The following GLG1 variants were observed in gnomAD, a reference collection of about 807,000 sequenced individuals.
GLG1 encodes the protein golgi glycoprotein 1.
In GLG1, 38 loss-of-function variants were observed where a neutral mutation model predicts 160.5. The observed-to-expected ratio is 0.24, with a 90% CI of 0.18 to 0.31. The LOEUF (loss-of-function observed/expected upper bound fraction) is 0.31. Among genes scored for constraint, GLG1 ranks in the 10% least tolerant of loss-of-function variants. The probability of loss-of-function intolerance (pLI) is 1.00; values close to 1 mark genes in which losing one functional copy is unlikely to be tolerated. For synonymous variants in GLG1, 644 were observed against 543.4 expected, an observed-to-expected ratio of 1.19 and a Z score of -2.57; for missense variants, 1,373 against 1,505.2, an observed-to-expected ratio of 0.91 and a Z score of 1.45.
chr16:74,477,215 G>A (rs2015414708), intron 12 of GLG1, among the ~76,000 whole-genome samples, 181 bp downstream of exon 12: 1 of 152,108 alleles, frequency 6.6e-6, no homozygotes, highest in South Asian at 2.1e-4. Context: ...AACTATTCCT[G>A]ATACAAAGAC....
At chr16:74,558,911 G>A (rs1006109744) in intron 1 of GLG1, among the ~76,000 whole-genome samples, 9 of 152,016 alleles carry the variant, frequency 5.9e-5, no homozygotes, top group South Asian at 2.1e-4. Flanking sequence ...TCTTAGAGAC[G>A]GGGTCTCACT....
At chr16:74,529,620 G>C (rs1219689368) in intron 2 of GLG1, among the ~76,000 whole-genome samples, 1 of 151,622 alleles carries the variant, frequency 6.6e-6, no homozygotes, top group East Asian at 1.9e-4. Context: ...CTCATATCCA[G>C]CCATTTCTGA....
chr16:74,584,378 C>T (rs1357770887), intron 1 of GLG1, among the ~76,000 whole-genome samples: 1 of 152,072 alleles, frequency 6.6e-6, no homozygotes, highest in Non-Finnish European at 1.5e-5. Context: ...ATCATAAATG[C>T]CTAACATTAA....
chr16:74,569,517 A>C (rs1023514456), intron 1 of GLG1, among the ~76,000 whole-genome samples: 1 of 152,144 alleles, frequency 6.6e-6, no homozygotes, highest in Non-Finnish European at 1.5e-5. Context: ...CATCTCTAAC[A>C]GAGTCTAGCT....
intron 20 of GLG1, 144 bp downstream of exon 20, chr16:74,463,212 G>C: frequency 1.4e-6 from 1 of 735,146 alleles, no homozygotes; most frequent in Non-Finnish European, 2.2e-6. Flanking sequence ...GCTCCTCAAA[G>C]GAGGAAGGCC....
intron 22 of GLG1, among the ~76,000 whole-genome samples, chr16:74,460,012 T>A (rs990216262): frequency 3.4e-5 from 5 of 146,250 alleles, no homozygotes; most frequent in Admixed American, 6.8e-5. Flanking sequence ...CGTGCTACCA[T>A]GCCTGGCTGA....
At chr16:74,600,036 C>T (rs1258117723) in intron 1 of GLG1, among the ~76,000 whole-genome samples, 1 of 150,608 alleles carries the variant, frequency 6.6e-6, no homozygotes, top group Non-Finnish European at 1.5e-5. Context: ...TCCGTCTTAA[C>T]CAAAAGCAAA....
Position 74,496,432 on chromosome 16 carries a change from C to T in GLG1, c.978+9G>A. 6.3e-7 allele frequency: 1 copy of T among 1,577,184 alleles called. No homozygotes were observed. Among genetic ancestry groups the T allele is most frequent in the South Asian group, 1.1e-5 (1 of 90,318 alleles). ...AAGGAAGAAAAGAACAGTTTCTGAG[C>T]TGACTCACATTTTCACAAAAACGCT... On this transcript the variant is annotated intron_variant, in intron 5 of 25. Transcript: ENST00000422840.
intron 2 of GLG1, among the ~76,000 whole-genome samples, chr16:74,510,708 T>G (rs1567492966): frequency 1.3e-5 from 2 of 152,338 alleles, no homozygotes; most frequent in Admixed American, 1.3e-4. Flanking sequence ...AAATGTTTAC[T>G]GAGTACATAC....
At chr16:74,494,425 G>C (rs1241271452) in intron 6 of GLG1, among the ~76,000 whole-genome samples, 4 of 39,074 alleles carry the variant, frequency 1.0e-4, no homozygotes, top group Admixed American at 2.3e-4. Flanking sequence ...TTTTTTTTTT[G>C]AGACAGAGTC....
At chr16:74,589,768 T>C (rs1958132803) in intron 1 of GLG1, among the ~76,000 whole-genome samples, 1 of 152,042 alleles carries the variant, frequency 6.6e-6, no homozygotes, top group East Asian at 1.9e-4. Flanking sequence ...AAAAGGAAAG[T>C]ATACCAATAG....
intron 1 of GLG1, among the ~76,000 whole-genome samples, chr16:74,579,637 G>C (rs1957894178): frequency 1.3e-5 from 2 of 151,664 alleles, no homozygotes; most frequent in African/African-American, 4.8e-5. Flanking sequence ...CAGGAGAATG[G>C]CTTGAACCAG....
intron 4 of GLG1, among the ~76,000 whole-genome samples, chr16:74,500,176 G>A (rs993273827): frequency 2.0e-5 from 3 of 152,078 alleles, no homozygotes; most frequent in African/African-American, 4.8e-5. Context: ...ATTTGACAGC[G>A]AAGACTGCAT....
At chr16:74,523,092 TG>T (rs2017221166) in intron 2 of GLG1, among the ~76,000 whole-genome samples, 1 of 152,268 alleles carries the variant, frequency 6.6e-6, no homozygotes, top group South Asian at 2.1e-4. Flanking sequence ...TTTTAATTTC[TG>T]GGTACATAGT....
At chr16:74,506,701 G>C (rs1472881830) in intron 3 of GLG1, among the ~76,000 whole-genome samples, 1 of 150,782 alleles carries the variant, frequency 6.6e-6, no homozygotes, top group African/African-American at 2.4e-5. Context: ...CTGAAACAGA[G>C]ATGTGGCACC....
At chr16:74,520,664 T>C (rs989187915) in intron 2 of GLG1, among the ~76,000 whole-genome samples, 1 of 152,074 alleles carries the variant, frequency 6.6e-6, no homozygotes, top group Admixed American at 6.6e-5. Flanking sequence ...ACAACAAATA[T>C]GCATGAGTCA....
At chr16:74,601,591 T>C (rs1958441189) in intron 1 of GLG1, among the ~76,000 whole-genome samples, 1 of 152,186 alleles carries the variant, frequency 6.6e-6, no homozygotes, top group Non-Finnish European at 1.5e-5. Flanking sequence ...TACAACTAAA[T>C]GCTTCCAGTG....
intron 12 of GLG1, among the ~76,000 whole-genome samples, chr16:74,477,041 G>C (rs2015409553): frequency 1.3e-5 from 2 of 152,306 alleles, no homozygotes; most frequent in Admixed American, 6.5e-5. Flanking sequence ...ATGTGAAATG[G>C]AGCCAGTAGT....
chr16:74,467,675 T>C (rs2015048126), intron 18 of GLG1, 81 bp downstream of exon 18: 2 of 935,972 alleles, frequency 2.1e-6, no homozygotes, highest in African/African-American at 1.6e-5. Context: ...AATGTTACCT[T>C]ATGGGCACTA....
Sources: allele counts gnomAD v4.1 joint callset (sites outside exome capture counted in the v4.1 genomes callset), GRCh38; gene constraint gnomAD v4.1.1; transcripts MANE v1.5; gene names NCBI Gene and HGNC (gene_info 2026-07-23, HGNC 2026-07-21).